Variants in NAV3 observed in about 807,000 individuals in gnomAD.
The protein encoded by NAV3 is pore membrane and/or filament interacting like protein 1.
A neutral mutation model predicts 244.7 loss-of-function variants in NAV3; 87 were observed. That is an observed-to-expected ratio of 0.36 (90% CI 0.30 to 0.42). The LOEUF (loss-of-function observed/expected upper bound fraction) is 0.42, where lower values mean the gene tolerates loss of function less well. Among genes scored for constraint, NAV3 ranks in the 20% least tolerant of loss-of-function variants. The pLI is 1.00. For missense variants in NAV3, 2,663 were observed against 2,893.3 expected (o/e 0.92, Z 1.83); for synonymous variants, 1,126 against 1,042.2 (o/e 1.08, Z -1.55).
At chr12:77,821,753 T>C (rs1318501125) in intron 2 of NAV3, among the ~76,000 whole-genome samples, 1 of 152,190 alleles carries the variant, frequency 6.6e-6, no homozygotes, top group Non-Finnish European at 1.5e-5. Context: ...CATTGTTACA[T>C]CTCAACATTT....
At chr12:77,647,881 T>C (rs1185604086) in intron 2 of NAV3, among the ~76,000 whole-genome samples, 1 of 152,166 alleles carries the variant, frequency 6.6e-6, no homozygotes, top group Admixed American at 6.6e-5. Flanking sequence ...AAATGTGGTT[T>C]TCTGTACTTT....
At chr12:77,749,184 C>T (rs1233287167) in intron 2 of NAV3, among the ~76,000 whole-genome samples, 2 of 152,066 alleles carry the variant, frequency 1.3e-5, no homozygotes, top group African/African-American at 4.8e-5. Context: ...CAGTGACAGA[C>T]ATGATAAAGG....
intron 1 of NAV3, among the ~76,000 whole-genome samples, chr12:77,937,361 C>A (rs908467164): frequency 6.6e-6 from 1 of 152,198 alleles, no homozygotes; most frequent in Admixed American, 6.5e-5. Context: ...TTGAAGCCAA[C>A]TAGCTGGCCT....
chr12:77,628,847 C>A (rs944096722), intron 2 of NAV3, among the ~76,000 whole-genome samples: 1 of 149,340 alleles, frequency 6.7e-6, no homozygotes, highest in African/African-American at 2.5e-5. Context: ...GCCATGATCT[C>A]ATCACCACTG....
At chr12:77,941,910 AGGC>A (rs1889908564) in intron 3 of NAV3, among the ~76,000 whole-genome samples, 1 of 152,248 alleles carries the variant, frequency 6.6e-6, no homozygotes, top group Admixed American at 6.5e-5. Context: ...AGCACAGAAT[AGGC>A]ATTTTAAATG....
intron 2 of NAV3, among the ~76,000 whole-genome samples, chr12:77,684,155 T>C (rs1236581821): frequency 6.6e-6 from 1 of 152,152 alleles, no homozygotes; most frequent in Non-Finnish European, 1.5e-5. Flanking sequence ...GATAATCTTA[T>C]TGTGGATTTA....
rs200333280 is a variant in NAV3, at chr12:77,621,474, T to TC, written c.72+49209dup. ...TGAACTCTACCTCTTTTTTTTCTCT[T>TC]CTCTTTTTTTTTTTTTTTTGCTTTG... On this transcript the variant is annotated intron_variant, in intron 2 of 8. Coordinates refer to the NAV3 transcript ENST00000550042. Among the ~76,000 whole-genome samples the TC allele has an allele frequency of 4.2e-4, 62 of 149,002 alleles. 1 individual carries two copies. Among genetic ancestry groups the TC allele is most frequent in the African/African-American group, 1.5e-3 (60 of 40,196 alleles).
At chr12:77,689,350 T>C (rs1268946018) in intron 2 of NAV3, among the ~76,000 whole-genome samples, 1 of 151,904 alleles carries the variant, frequency 6.6e-6, no homozygotes, top group Non-Finnish European at 1.5e-5. Context: ...TTAGAACATA[T>C]CTTGTCTTCT....
At chr12:77,607,721 T>C (rs1342234986) in intron 2 of NAV3, among the ~76,000 whole-genome samples, 3 of 152,194 alleles carry the variant, frequency 2.0e-5, no homozygotes, top group South Asian at 2.1e-4. Context: ...ACCATTTCTA[T>C]TGTCTGATCC....
intron 2 of NAV3, among the ~76,000 whole-genome samples, chr12:77,749,643 G>A (rs75070990): frequency 0.014 from 2,113 of 152,092 alleles, 51 homozygotes; most frequent in African/African-American, 0.048. Context: ...TTTAATATGA[G>A]CCAGAAATAT....
intron 2 of NAV3, among the ~76,000 whole-genome samples, chr12:77,608,136 A>G (rs1015778787): frequency 1.3e-5 from 2 of 152,138 alleles, no homozygotes; most frequent in Non-Finnish European, 2.9e-5. Context: ...CAGATTTCTA[A>G]TGATTTCCAA....
intron 2 of NAV3, among the ~76,000 whole-genome samples, chr12:77,778,274 C>T (rs1430014634): frequency 6.7e-6 from 1 of 149,980 alleles, no homozygotes; most frequent in Non-Finnish European, 1.5e-5. Flanking sequence ...TTCCTTTCCT[C>T]TTTCTTTCCT....
chr12:77,660,911 A>G (rs1167761421), intron 2 of NAV3, among the ~76,000 whole-genome samples: 1 of 152,134 alleles, frequency 6.6e-6, no homozygotes, highest in African/African-American at 2.4e-5. Flanking sequence ...ATGTTGTTGC[A>G]TGAGCCGTAG....
intron 2 of NAV3, among the ~76,000 whole-genome samples, chr12:77,778,591 A>G (rs558971919): frequency 1.3e-4 from 19 of 150,842 alleles, no homozygotes; most frequent in East Asian, 5.9e-4. Flanking sequence ...CAGCCTGGGC[A>G]ACAGAGCGAG....
At chr12:77,931,698 C>G (rs1341570639) in intron 1 of NAV3, among the ~76,000 whole-genome samples, 1 of 151,996 alleles carries the variant, frequency 6.6e-6, no homozygotes, top group African/African-American at 2.4e-5. Flanking sequence ...AACCCTATCT[C>G]TACTAAAAAA....
chr12:78,040,097 C>T (rs1001534412), intron 9 of NAV3, among the ~76,000 whole-genome samples: 1 of 152,112 alleles, frequency 6.6e-6, no homozygotes, highest in South Asian at 2.1e-4. Flanking sequence ...AGCCTCTGGA[C>T]CTCACTCAGA....
intron 2 of NAV3, among the ~76,000 whole-genome samples, chr12:77,654,220 C>T (rs1002862185): frequency 4.6e-5 from 7 of 152,218 alleles, no homozygotes; most frequent in South Asian, 2.1e-4. Flanking sequence ...GGGTGACAGA[C>T]GGCACCTGGA....
At chr12:77,667,844 C>A (rs746820913) in intron 2 of NAV3, among the ~76,000 whole-genome samples, 11 of 152,134 alleles carry the variant, frequency 7.2e-5, no homozygotes, top group Non-Finnish European at 1.0e-4. Flanking sequence ...GGCCAACCAA[C>A]ACAAAACTGG....
At chr12:77,648,959 A>G (rs913889615) in intron 2 of NAV3, among the ~76,000 whole-genome samples, 1 of 152,140 alleles carries the variant, frequency 6.6e-6, no homozygotes, top group African/African-American at 2.4e-5. Context: ...AGTATGAGGA[A>G]GGTGGTCCAG....
Sources: allele counts gnomAD v4.1 joint callset (sites outside exome capture counted in the v4.1 genomes callset), GRCh38; gene constraint gnomAD v4.1.1; transcripts MANE v1.5; gene names NCBI Gene and HGNC (gene_info 2026-07-23, HGNC 2026-07-21).